CARS1: variants seen among roughly 807,000 people sequenced by gnomAD.
CARS1 encodes the protein cysteine--tRNA ligase, cytoplasmic.
Under a neutral mutation model 106.2 loss-of-function variants are expected in CARS1, and 48 were observed. That is an observed-to-expected ratio of 0.45 (90% confidence interval 0.36 to 0.57). The LOEUF is 0.57. Among genes scored for constraint, CARS1 ranks in the 20% least tolerant of loss-of-function variants. The pLI, the probability that CARS1 is intolerant of heterozygous loss-of-function variation, is 0.00. For synonymous variants in CARS1, 409 were observed against 403.4 expected, an observed-to-expected ratio of 1.01 and a Z score of -0.17; for missense variants, 968 against 1,057.2, an observed-to-expected ratio of 0.92 and a Z score of 1.17.
At position 3,042,174 on chromosome 11, in the gene CARS1, G is replaced by T. The variant is rs1163670661; in HGVS notation, c.357C>A (p.Thr119=). Residue 119 remains threonine, a synonymous_variant, in exon 3 of 23, where the codon ACC becomes ACA. Coordinates refer to ENST00000380525, the MANE Select transcript of CARS1 (RefSeq NM_001014437.3). ...TCTGTGTTCTCCTTACCTTGTTCCT[G>T]GTGAGGCTGTTGTAAAGGTGGAGTC... is the stretch of plus-strand genomic sequence containing the variant. The part of the protein sequence containing the change: ...PCRLHLYNSL[T]RNKEVFIPQD... 1 of 1,613,476 alleles carries T rather than the reference G, an allele frequency of 6.2e-7. No homozygotes were observed. Among genetic ancestry groups the T allele is most frequent in the Admixed American group, 1.7e-5 (1 of 60,024 alleles).
intron 2 of CARS1, 165 bp from the exon 3 acceptor site, chr11:3,042,421 C>T (rs1026916384): frequency 3.5e-6 from 2 of 567,962 alleles, no homozygotes; most frequent in East Asian, 6.1e-5. Context: ...AGGTCAAAGA[C>T]AACTGCGTCT....
chr11:3,012,779 G>C (rs893478785), intron 17 of CARS1, among the ~76,000 whole-genome samples: 11 of 151,742 alleles, frequency 7.2e-5, no homozygotes, highest in Admixed American at 6.6e-4. Context: ...TCTCCATTAA[G>C]CACCTACTAT....
rs1854969658 is a variant in CARS1, at chr11:3,045,349, C to T, written c.274+2404G>A. On this transcript the variant is annotated intron_variant, in intron 2 of 22. Transcript: ENST00000380525. This position sits in a 1 kb window ranked among gnomAD's most constrained non-coding sequence, Gnocchi z 5.6. ...GCACGATCTCGGCTCACTGCAAGCT[C>T]CGCCTCCCAGGTTCAGGCCATTCTC... 6.6e-6 allele frequency among the ~76,000 whole-genome samples: 1 copy of T among 152,128 alleles called. No individual in the cohort carries two copies. Among genetic ancestry groups the T allele is most frequent in the Non-Finnish European group, 1.5e-5 (1 of 68,030 alleles).
chr11:3,039,123 C>G lies in CARS1; in HGVS notation c.651+71G>C, dbSNP rs1854072758. ...TGTGAGACTGACACTACCCTAGGGA[C>G]AGTAGCCTACAAAGGACCGAGAACA... On this transcript the variant is annotated intron_variant, in intron 6 of 22. Transcript: ENST00000380525. This position sits in a 1 kb window ranked among gnomAD's most constrained non-coding sequence, Gnocchi z 5.6. 1 of 937,756 alleles carries G rather than the reference C, an allele frequency of 1.1e-6. No homozygotes were observed. The highest frequency in any genetic ancestry group is 1.7e-6 in the Non-Finnish European group (1 of 576,760). The allele number at this position is 937,756 out of a possible 1,614,324, so 58.1% of individuals were successfully genotyped here.
At chr11:3,025,286 G>A (rs1439957979) in intron 10 of CARS1, among the ~76,000 whole-genome samples, 1 of 152,214 alleles carries the variant, frequency 6.6e-6, no homozygotes, top group Non-Finnish European at 1.5e-5. Context: ...GGAGTGCAGT[G>A]GCACAATCTT....
intron 19 of CARS1, among the ~76,000 whole-genome samples, chr11:3,006,446 A>G (rs1450990786): frequency 1.3e-5 from 2 of 152,288 alleles, no homozygotes; most frequent in African/African-American, 2.4e-5. Flanking sequence ...ACTCTGTCTC[A>G]ATAAACAAAT....
rs1852392939 is a variant in CARS1, at chr11:3,028,854, AG to A, written c.1031+141del. 1 of 672,024 alleles carries A rather than the reference AG, an allele frequency of 1.5e-6. No homozygotes were observed. The highest frequency in any genetic ancestry group is 1.8e-5 in the African/African-American group (1 of 56,296). 41.6% of individuals were successfully genotyped at this position (672,024 alleles called of 1,614,324 possible). A position where few individuals can be genotyped will look rare whatever the true frequency, so the allele number is the denominator to read the frequency against. On this transcript the variant is annotated intron_variant, in intron 9 of 22. Transcript: ENST00000380525. The surrounding 1 kb of genome is among the most constrained non-coding windows in gnomAD (Gnocchi z 4.4). ...CCCTGGGTGGGCCCAGAGTTGTAGG[AG>A]GAAGTCTGCTGGGACTTCTAGCTAC...
intron 18 of CARS1, among the ~76,000 whole-genome samples, chr11:3,011,511 G>C (rs1165146107): frequency 6.6e-6 from 1 of 152,162 alleles, no homozygotes; most frequent in African/African-American, 2.4e-5. Context: ...CTACTCAGGA[G>C]GCTGAGGCAG....
chr11:3,054,936 T>C, intron 1 of CARS1: 1 of 702,584 alleles, frequency 1.4e-6, no homozygotes. Flanking sequence ...TGAGGTAGGC[T>C]CCATCTACCC....
intron 9 of CARS1, 55 bp from the exon 10 acceptor site, chr11:3,026,852 C>T: frequency 6.4e-7 from 1 of 1,570,754 alleles, no homozygotes; most frequent in Non-Finnish European, 8.6e-7. Context: ...GAAAGTGTGT[C>T]AGCAGGATGA....
At chr11:3,001,359 T>C in intron 22 of CARS1, 111 bp from the exon 23 acceptor site, 1 of 1,277,828 alleles carries the variant, frequency 7.8e-7, no homozygotes. Flanking sequence ...TGCAGCCATG[T>C]CCTCTTGCTT....
chr11:3,000,948 A>G lies in CARS1; in HGVS notation c.*166T>C. ...AGGGTCTCACTGTTGAGAAAAATTT[A>G]TTATCAATGTCTCAGAGCCAACGAC... On this transcript the variant is annotated 3_prime_UTR_variant, in exon 23 of 23. Transcript: ENST00000380525. This position sits in a 1 kb window ranked among gnomAD's most constrained non-coding sequence, Gnocchi z 7.1. 1.4e-6 allele frequency: 1 copy of G among 729,512 alleles called. No homozygotes were observed. Among genetic ancestry groups the G allele is most frequent in the East Asian group, 2.6e-5 (1 of 38,344 alleles). 45.2% of individuals were successfully genotyped at this position (729,512 alleles called of 1,614,324 possible). A position where few individuals can be genotyped will look rare whatever the true frequency, so the allele number is the denominator to read the frequency against.
At position 3,017,959 on chromosome 11, in the gene CARS1, A is replaced by G; in HGVS notation, c.1630-5T>C. The stretch of plus-strand genomic sequence containing the variant: ...TTTCACATTTAAGAAAAACTCCTGA[A>G]GTTAGAAAAATCAGTTTAACAGCAT... On this transcript the variant is annotated splice_region_variant and splice_polypyrimidine_tract_variant and intron_variant, in intron 14 of 22. Coordinates refer to ENST00000380525, the MANE Select transcript of CARS1 (RefSeq NM_001014437.3). The surrounding 1 kb of genome is among the most constrained non-coding windows in gnomAD (Gnocchi z 4.9). 1 of 1,605,178 alleles carries G rather than the reference A, an allele frequency of 6.2e-7. No homozygotes were observed. Among genetic ancestry groups the G allele is most frequent in the African/African-American group, 1.3e-5 (1 of 74,846 alleles).
In CARS1 at chr11:3,041,277, C is replaced by A. The variant is rs1014982686; in HGVS notation, c.367-293G>T. On this transcript the variant is annotated intron_variant, in intron 3 of 22. Transcript: ENST00000380525. This position sits in a 1 kb window ranked among gnomAD's most constrained non-coding sequence, Gnocchi z 4.9. ...AATGATTTTATTGATTGTTGAAATG[C>A]TGCTTATTTAACAATAACACAGCTA... is the stretch of plus-strand genomic sequence containing the variant. 27 of 424,370 alleles carry A rather than the reference C, an allele frequency of 6.4e-5. No individual in the cohort carries two copies. The highest frequency in any genetic ancestry group is 9.4e-5 in the Non-Finnish European group (22 of 233,068). 26.3% of individuals were successfully genotyped at this position (424,370 alleles called of 1,614,324 possible).
chr11:3,055,161 T>C, intron 1 of CARS1: 1 of 582,850 alleles, frequency 1.7e-6, no homozygotes, highest in Non-Finnish European at 3.1e-6. Flanking sequence ...GCATTTACGA[T>C]TGGATTTTTT....
At chr11:3,002,377 A>T in intron 21 of CARS1, 164 bp downstream of exon 21, 1 of 1,337,946 alleles carries the variant, frequency 7.5e-7, no homozygotes, top group Non-Finnish European at 1.0e-6. Context: ...CCATGTGAGA[A>T]GGGCCTGGCA....
intron 17 of CARS1, among the ~76,000 whole-genome samples, chr11:3,014,753 A>G (rs115996492): frequency 6.6e-6 from 1 of 152,242 alleles, no homozygotes; most frequent in East Asian, 1.9e-4. Flanking sequence ...GGCAAAAGGC[A>G]CCAGGCACAT....
intron 14 of CARS1, chr11:3,018,181 A>G (rs1851229588): frequency 1.6e-6 from 1 of 610,994 alleles, no homozygotes; most frequent in Non-Finnish European, 2.9e-6. Context: ...AAGGACGTGC[A>G]CTGCAGTGAC....
chr11:3,016,138 T>A (rs989099052), intron 16 of CARS1, among the ~76,000 whole-genome samples: 2 of 151,734 alleles, frequency 1.3e-5, no homozygotes, highest in Non-Finnish European at 2.9e-5. Context: ...GTCCAGGCCC[T>A]GCTGGCCTTT....
Sources: allele counts gnomAD v4.1 joint callset (sites outside exome capture counted in the v4.1 genomes callset), GRCh38; gene constraint gnomAD v4.1.1; non-coding constraint Gnocchi (gnomAD v3.1); transcripts MANE v1.5; gene names NCBI Gene and HGNC (gene_info 2026-07-23, HGNC 2026-07-21).